The following PCDHGA2 variants were observed in gnomAD, a reference collection of about 807,000 sequenced individuals.
PCDHGA2 encodes protocadherin gamma subfamily A, 2.
PCDHGA2 carries 40 observed loss-of-function variants against 59.2 expected under a neutral mutation model. The observed-to-expected ratio is 0.68, with a 90% confidence interval of 0.52 to 0.88. The LOEUF (loss-of-function observed/expected upper bound fraction) is 0.88. PCDHGA2 is among the 40% of genes least tolerant of loss of function. The probability of loss-of-function intolerance (pLI) is 0.00; values close to 1 mark genes in which losing one functional copy is unlikely to be tolerated. For synonymous variants in PCDHGA2, 560 were observed against 526.0 expected (o/e 1.06, Z -0.89); for missense variants, 1,226 against 1,204.0 (o/e 1.02, Z -0.27).
chr5:141,481,455 C>T (rs2099537897), intron 1 of PCDHGA2, among the ~76,000 whole-genome samples: 1 of 152,176 alleles, frequency 6.6e-6, no homozygotes, highest in African/African-American at 2.4e-5. Flanking sequence ...TGTAAATACA[C>T]TGAAAACCAT....
intron 1 of PCDHGA2, chr5:141,388,466 G>A (rs1426666369): frequency 6.2e-7 from 1 of 1,613,812 alleles, no homozygotes. Flanking sequence ...ACCCTGAGAT[G>A]GTATTGAAGA....
chr5:141,371,470 A>T (rs1215048137), intron 1 of PCDHGA2: 1 of 1,613,998 alleles, frequency 6.2e-7, no homozygotes, highest in Admixed American at 1.7e-5. Context: ...ATACAAGAAG[A>T]TGCTGAGCTG....
intron 1 of PCDHGA2, among the ~76,000 whole-genome samples, chr5:141,474,062 C>G (rs745636246): frequency 6.6e-6 from 1 of 152,104 alleles, no homozygotes; most frequent in Non-Finnish European, 1.5e-5. Flanking sequence ...AGAGCGAGAT[C>G]CTGCCTCAGA....
Position 141,399,953 on chromosome 5 carries a change from A to G in PCDHGA2, c.2424+58558A>G, listed in dbSNP as rs1257117587. ...TCCTACCACGTGCTGCAGGCTAGCGAGCCCGGGCTCTTCAGCCTGGGGCTG... is the reference window on the plus strand; with the variant it reads ...TCCTACCACGTGCTGCAGGCTAGCGGGCCCGGGCTCTTCAGCCTGGGGCTG... On this transcript the variant is annotated intron_variant, in intron 1 of 3. Coordinates refer to ENST00000394576, the MANE Select transcript of PCDHGA2 (RefSeq NM_018915.4). The G allele has an allele frequency of 2.5e-5, 40 of 1,612,030 alleles. 1 individual carries two copies. Among genetic ancestry groups the G allele is most frequent in the Non-Finnish European group, 3.4e-5 (40 of 1,179,690 alleles).
At chr5:141,428,290 C>A in intron 1 of PCDHGA2, 1 of 726,802 alleles carries the variant, frequency 1.4e-6, no homozygotes, top group Non-Finnish European at 2.4e-6. Context: ...CCAAGCAAAG[C>A]TGCAGATTTA....
intron 1 of PCDHGA2, chr5:141,417,732 C>G (rs2096153715): frequency 4.3e-6 from 6 of 1,390,462 alleles, no homozygotes; most frequent in Non-Finnish European, 3.8e-6. Flanking sequence ...AGACCTTGCC[C>G]AGCACACCAG....
intron 1 of PCDHGA2, among the ~76,000 whole-genome samples, chr5:141,368,579 A>G (rs28694549): frequency 0.14 from 21,947 of 152,060 alleles, 2,144 homozygotes; most frequent in African/African-American, 0.28. Flanking sequence ...TCTTAGGGTA[A>G]GGTGTTTGGG....
At chr5:141,383,566 T>C (rs1357683326) in intron 1 of PCDHGA2, 2 of 1,613,308 alleles carry the variant, frequency 1.2e-6, no homozygotes, top group Non-Finnish European at 1.7e-6. Context: ...CCCGCCCCGA[T>C]CCAGCACCGC....
At chr5:141,430,100 C>T (rs6874907) in intron 1 of PCDHGA2, among the ~76,000 whole-genome samples, 7,606 of 152,160 alleles carry the variant, frequency 0.05, 372 homozygotes, top group African/African-American at 0.13. Context: ...GATTTTTAAG[C>T]GTTACATGTC....
chr5:141,428,116 A>G, intron 1 of PCDHGA2: 1 of 1,607,216 alleles, frequency 6.2e-7, no homozygotes, highest in Non-Finnish European at 8.5e-7. Flanking sequence ...CAGGCCATCG[A>G]GCCCGGGCTT....
At chr5:141,421,679 C>T (rs1210753842) in intron 1 of PCDHGA2, 2 of 1,613,810 alleles carry the variant, frequency 1.2e-6, no homozygotes, top group Admixed American at 1.7e-5. Context: ...ATTCCTGGGG[C>T]GCGATTTGCT....
intron 1 of PCDHGA2, chr5:141,420,214 C>T: frequency 6.2e-7 from 1 of 1,611,064 alleles, no homozygotes; most frequent in Non-Finnish European, 8.5e-7. Context: ...ACAAAGATAG[C>T]ATGCTACTGG....
Position 141,489,398 on chromosome 5 carries a change from G to A in PCDHGA2, c.2425-5409G>A, listed in dbSNP as rs2099686644. On this transcript the variant is annotated intron_variant, in intron 1 of 3. Transcript: ENST00000394576. This position sits in a 1 kb window ranked among gnomAD's most constrained non-coding sequence, Gnocchi z 4.5. The stretch of plus-strand genomic sequence containing the variant: ...GTGGGGAATGTTGCTCAGGATCTGG[G>A]CTTAAAGATGACAGATCTGTTGAGC... 6.2e-7 allele frequency: 1 copy of A among 1,614,064 alleles called. No homozygotes were observed. The highest frequency in any genetic ancestry group is 1.3e-5 in the African/African-American group (1 of 74,910).
chr5:141,484,949 A>C, intron 1 of PCDHGA2: 1 of 557,400 alleles, frequency 1.8e-6, no homozygotes, highest in Non-Finnish European at 3.2e-6. Context: ...TGCTCAGCCT[A>C]TTGGCTGAGC....
In PCDHGA2 at chr5:141,360,397, G is replaced by A. The variant is rs776903612; in HGVS notation, c.2424+19002G>A. Reference sequence around the variant, plus strand: ...AGAAAGCGGAGACTTACTTGTGAGTGACAGAATAGACCGAGAACAGATATG... The same window carrying A: ...AGAAAGCGGAGACTTACTTGTGAGTAACAGAATAGACCGAGAACAGATATG... On this transcript the variant is annotated intron_variant, in intron 1 of 3. Coordinates refer to ENST00000394576, the MANE Select transcript of PCDHGA2 (RefSeq NM_018915.4). 4.3e-6 allele frequency: 7 copies of A among 1,613,928 alleles called. No individual in the cohort carries two copies. The highest frequency in any genetic ancestry group is 2.2e-5 in the East Asian group (1 of 44,868).
chr5:141,381,826 C>CTTTTTTTTTTTTTT (rs770630741), intron 1 of PCDHGA2, among the ~76,000 whole-genome samples: 11 of 74,282 alleles, frequency 1.5e-4, no homozygotes, highest in Non-Finnish European at 1.7e-4. Context: ...CTTTCTTCTT[C>CTTTTTTTTTTTTTT]TTTTTTTTTT....
intron 1 of PCDHGA2, chr5:141,359,898 A>G: frequency 2.5e-6 from 1 of 399,476 alleles, no homozygotes; most frequent in Admixed American, 4.1e-5. Context: ...AAATATTGAC[A>G]AGCCATTAGT....
Position 141,487,297 on chromosome 5 carries a change from C to T in PCDHGA2, c.2425-7510C>T, listed in dbSNP as rs770262058. ...TTTGCTTTGTCTCCTTTGGCTCATT[C>T]GTGGCACTACTCTCTAAGTGTCTTC... On this transcript the variant is annotated intron_variant, in intron 1 of 3. Coordinates refer to ENST00000394576, the MANE Select transcript of PCDHGA2 (RefSeq NM_018915.4). This position sits in a 1 kb window ranked among gnomAD's most constrained non-coding sequence, Gnocchi z 5.0. The T allele has an allele frequency of 3.2e-5, 52 of 1,613,984 alleles. No homozygotes were observed. The highest frequency in any genetic ancestry group is 4.0e-5 in the African/African-American group (3 of 74,912).
rs767245444 is a variant in PCDHGA2, at chr5:141,393,478, G to A, written c.2424+52083G>A. 1 of 1,614,052 alleles carries A rather than the reference G, an allele frequency of 6.2e-7. No homozygotes were observed. On this transcript the variant is annotated intron_variant, in intron 1 of 3. Transcript: ENST00000394576. ...GCCTCGGATGGCGGCAAGCCGCCTC[G>A]CTCTAGCACAGTGCGCATCCACGTG... is the stretch of plus-strand genomic sequence containing the variant.
Sources: allele counts gnomAD v4.1 joint callset (sites outside exome capture counted in the v4.1 genomes callset), GRCh38; gene constraint gnomAD v4.1.1; non-coding constraint Gnocchi (gnomAD v3.1); transcripts MANE v1.5; gene names NCBI Gene and HGNC (gene_info 2026-07-23, HGNC 2026-07-21).